MALRD1: variants seen among roughly 807,000 people sequenced by gnomAD.
MALRD1 encodes MAM and LDL-receptor class A domain-containing protein 1.
In MALRD1, 247 loss-of-function variants were observed where a neutral mutation model predicts 242.1. The observed-to-expected ratio is 1.02, with a 90% CI of 0.92 to 1.13. The LOEUF (loss-of-function observed/expected upper bound fraction) is 1.13. MALRD1 is among the 50% of genes most tolerant of loss of function. MALRD1 has a pLI of 0.00. For missense variants in MALRD1, 2,989 were observed against 2,533.1 expected (o/e 1.18, Z -3.86); for synonymous variants, 995 against 866.6 (o/e 1.15, Z -2.60).
intron 26 of MALRD1, among the ~76,000 whole-genome samples, chr10:19,357,487 C>T (rs560731589): frequency 6.6e-5 from 10 of 152,036 alleles, no homozygotes; most frequent in Admixed American, 3.3e-4. Flanking sequence ...TTATTAAGCA[C>T]GTTTCTTTTA....
At chr10:19,135,056 T>C (rs543666619) in intron 9 of MALRD1, among the ~76,000 whole-genome samples, 1 of 152,310 alleles carries the variant, frequency 6.6e-6, no homozygotes, top group Non-Finnish European at 1.5e-5. Context: ...TGGATATGAT[T>C]TAAATTTAAT....
At chr10:19,075,924 G>A (rs941485748) in intron 2 of MALRD1, among the ~76,000 whole-genome samples, 1 of 151,958 alleles carries the variant, frequency 6.6e-6, no homozygotes, top group African/African-American at 2.4e-5. Context: ...GTCTATTCTT[G>A]CTAATAACGA....
At chr10:19,567,730 A>G in intron 33 of MALRD1, 27 bp downstream of exon 33, 2 of 1,535,212 alleles carry the variant, frequency 1.3e-6, no homozygotes, top group Non-Finnish European at 1.8e-6. Context: ...GAAAATGGGA[A>G]TAAGTATTTG....
At chr10:19,397,118 C>T (rs897564604) in intron 28 of MALRD1, among the ~76,000 whole-genome samples, 2 of 152,060 alleles carry the variant, frequency 1.3e-5, no homozygotes, top group Non-Finnish European at 2.9e-5. Context: ...TGAAAATCCT[C>T]TCTGCTAGCT....
chr10:19,590,310 T>C (rs1019131403), intron 33 of MALRD1, among the ~76,000 whole-genome samples: 4 of 147,802 alleles, frequency 2.7e-5, no homozygotes, highest in African/African-American at 9.9e-5. Context: ...ATATATGTTA[T>C]ATATGTATAT....
At chr10:19,059,199 C>T (rs900842923) in intron 1 of MALRD1, among the ~76,000 whole-genome samples, 1 of 152,054 alleles carries the variant, frequency 6.6e-6, no homozygotes, top group Admixed American at 6.6e-5. Context: ...AGAAAGTGCT[C>T]ATGAAATATT....
intron 18 of MALRD1, among the ~76,000 whole-genome samples, chr10:19,222,629 A>T (rs1261618702): frequency 6.6e-6 from 1 of 152,220 alleles, no homozygotes; most frequent in East Asian, 1.9e-4. Context: ...TAAACAAAAA[A>T]GCAGGAGTTT....
chr10:19,297,717 A>G (rs1323017391), intron 21 of MALRD1, among the ~76,000 whole-genome samples: 2 of 151,886 alleles, frequency 1.3e-5, no homozygotes, highest in Admixed American at 1.3e-4. Context: ...AGGGGATGCA[A>G]AGATCTTTAA....
chr10:19,679,773 T>C (rs1430908978), intron 36 of MALRD1, among the ~76,000 whole-genome samples: 5 of 152,128 alleles, frequency 3.3e-5, no homozygotes, highest in Non-Finnish European at 5.9e-5. Flanking sequence ...TTTTGAGCTT[T>C]TCGATGTGGG....
intron 9 of MALRD1, among the ~76,000 whole-genome samples, chr10:19,134,796 G>A (rs1833269926): frequency 6.6e-6 from 1 of 152,088 alleles, no homozygotes; most frequent in Non-Finnish European, 1.5e-5. Context: ...AAAGTAAAAT[G>A]TAAAGAAAAT....
chr10:19,590,175 A>G (rs1483991025), intron 33 of MALRD1, among the ~76,000 whole-genome samples: 4 of 151,810 alleles, frequency 2.6e-5, no homozygotes, highest in African/African-American at 7.2e-5. Context: ...AAATTAGAAC[A>G]TAGAAATTTT....
At chr10:19,231,482 G>A (rs548745388) in intron 18 of MALRD1, among the ~76,000 whole-genome samples, 1 of 152,240 alleles carries the variant, frequency 6.6e-6, no homozygotes, top group East Asian at 1.9e-4. Context: ...CACCTTGATT[G>A]TAATTATCCC....
At chr10:19,281,305 T>A (rs1840799379) in intron 20 of MALRD1, among the ~76,000 whole-genome samples, 3 of 152,166 alleles carry the variant, frequency 2.0e-5, no homozygotes, top group Admixed American at 2.0e-4. Context: ...GGCATTCGAA[T>A]CCCCTTATGA....
intron 38 of MALRD1, among the ~76,000 whole-genome samples, chr10:19,698,473 C>T (rs1234529936): frequency 6.6e-6 from 1 of 152,158 alleles, no homozygotes; most frequent in African/African-American, 2.4e-5. Flanking sequence ...TTCCTCTTCC[C>T]AGTCTATACT....
At chr10:19,437,328 T>A (rs577073919) in intron 28 of MALRD1, among the ~76,000 whole-genome samples, 1 of 152,112 alleles carries the variant, frequency 6.6e-6, no homozygotes, top group African/African-American at 2.4e-5. Flanking sequence ...GTATATTTAA[T>A]GTTTCAGTTG....
chr10:19,279,022 C>T (rs1218140221), intron 19 of MALRD1, among the ~76,000 whole-genome samples: 1 of 152,160 alleles, frequency 6.6e-6, no homozygotes, highest in Non-Finnish European at 1.5e-5. Context: ...ACTGCACTCA[C>T]CAGACAATGG....
rs183468611 is a variant in MALRD1, at chr10:19,567,605, G to A, written c.5582G>A (p.Ser1861Asn). 12 of 1,550,644 alleles carry A rather than the reference G, an allele frequency of 7.7e-6. No homozygotes were observed. In the Admixed American group the frequency reaches 1.8e-4, roughly 23 times the overall value. Residue 1861 changes from serine to asparagine, a missense_variant, in exon 33 of 40, where the codon AGT becomes AAT. Coordinates refer to ENST00000454679, the MANE Select transcript of MALRD1 (RefSeq NM_001142308.3). ...GGCTCTGTGCCTCTCTCCAGTAACA[G>A]TCCGTTTAAGGTGGCATTTGAAGCT... ...TYGSVPLSSN[S>N]PFKVAFEADL...
intron 21 of MALRD1, among the ~76,000 whole-genome samples, chr10:19,317,692 A>G (rs927929833): frequency 1.3e-5 from 2 of 151,906 alleles, no homozygotes; most frequent in African/African-American, 2.4e-5. Context: ...ATTTTTTCCT[A>G]CTTATTGAAT....
At chr10:19,480,042 C>T (rs947849296) in intron 29 of MALRD1, among the ~76,000 whole-genome samples, 1 of 152,140 alleles carries the variant, frequency 6.6e-6, no homozygotes, top group Admixed American at 6.5e-5. Context: ...GCTATAGAAA[C>T]GTGACCACAG....
Sources: gnomAD v4.1 joint callset for allele counts (sites outside exome capture counted in the v4.1 genomes callset) on GRCh38, gnomAD v4.1.1 for gene constraint, MANE v1.5 for transcripts, NCBI Gene and HGNC (gene_info 2026-07-23, HGNC 2026-07-21) for gene names.